The following HDAC9 variants were observed in gnomAD, a reference collection of about 807,000 sequenced individuals.
HDAC9 encodes the protein MEF-2 interacting transcription repressor (MITR) protein.
HDAC9 carries 41 observed loss-of-function variants against 139.4 expected under a neutral mutation model. That is an observed-to-expected ratio of 0.29 (90% CI 0.23 to 0.38). The LOEUF is 0.38. HDAC9 is among the 10% of genes least tolerant of loss of function. HDAC9 has a pLI of 1.00. For missense variants in HDAC9, 1,147 were observed against 1,297.0 expected (o/e 0.88, Z 1.78); for synonymous variants, 517 against 476.2 (o/e 1.09, Z -1.12).
chr7:18,122,890 G>C (rs776142758), intron 1 of HDAC9, among the ~76,000 whole-genome samples: 1 of 152,152 alleles, frequency 6.6e-6, no homozygotes, highest in African/African-American at 2.4e-5. Context: ...AAGTGCTCAG[G>C]CATGAGCCAC....
intron 22 of HDAC9, among the ~76,000 whole-genome samples, chr7:18,935,503 T>C (rs1781568366): frequency 6.6e-6 from 1 of 152,076 alleles, no homozygotes; most frequent in Non-Finnish European, 1.5e-5. Context: ...GAGTATTCAG[T>C]TTTTTTATCC....
At chr7:18,707,752 T>TTTTAAAATGA (rs775987862) in intron 12 of HDAC9, among the ~76,000 whole-genome samples, 13 of 152,202 alleles carry the variant, frequency 8.5e-5, no homozygotes, top group Admixed American at 6.6e-4. Flanking sequence ...CATGTCATAC[T>TTTTAAAATGA]TTTAAAATGA....
chr7:18,732,981 G>A (rs1159609450), intron 13 of HDAC9, among the ~76,000 whole-genome samples: 2 of 144,536 alleles, frequency 1.4e-5, no homozygotes, highest in African/African-American at 5.3e-5. Flanking sequence ...ATACACATGT[G>A]TATGTGTGTG....
intron 21 of HDAC9, among the ~76,000 whole-genome samples, chr7:18,853,454 T>C (rs1013108498): frequency 5.9e-5 from 9 of 152,172 alleles, no homozygotes; most frequent in Non-Finnish European, 1.2e-4. Context: ...TGAGCATCAA[T>C]TGTAAGATAA....
At chr7:18,922,319 C>G (rs1182996873) in intron 22 of HDAC9, among the ~76,000 whole-genome samples, 1 of 151,940 alleles carries the variant, frequency 6.6e-6, no homozygotes, top group Non-Finnish European at 1.5e-5. Flanking sequence ...TATATGTTTT[C>G]TATATAATTA....
intron 12 of HDAC9, among the ~76,000 whole-genome samples, chr7:18,715,242 G>GT (rs34409566): frequency 0.2 from 28,283 of 144,692 alleles, 3,024 homozygotes; most frequent in Middle Eastern, 0.3. Flanking sequence ...AGGGGAAAGT[G>GT]TTTTTTTTTT....
chr7:18,612,400 A>G (rs567362955), intron 6 of HDAC9, among the ~76,000 whole-genome samples: 1 of 152,200 alleles, frequency 6.6e-6, no homozygotes, highest in South Asian at 2.1e-4. Flanking sequence ...TTAAGAATTA[A>G]TATACTTACT....
At chr7:18,420,540 A>C (rs1177944340) in intron 1 of HDAC9, among the ~76,000 whole-genome samples, 1 of 152,126 alleles carries the variant, frequency 6.6e-6, no homozygotes, top group African/African-American at 2.4e-5. Context: ...CATATTTAAA[A>C]CTCATAAAAT....
chr7:18,245,889 C>T (rs970377876), intron 2 of HDAC9, among the ~76,000 whole-genome samples: 1 of 151,860 alleles, frequency 6.6e-6, no homozygotes, highest in African/African-American at 2.4e-5. Flanking sequence ...GTGAATGAAT[C>T]AGGCTTAATG....
intron 1 of HDAC9, among the ~76,000 whole-genome samples, chr7:18,341,336 T>G (rs147614397): frequency 0.015 from 2,228 of 151,808 alleles, 24 homozygotes; most frequent in Non-Finnish European, 0.022. Context: ...CAGTATTTCT[T>G]CAAATTATCT....
At chr7:18,494,714 T>C (rs1236532010), upstream of HDAC9, among the ~76,000 whole-genome samples, 2 of 152,098 alleles carry the variant, frequency 1.3e-5, no homozygotes, top group Non-Finnish European at 2.9e-5. Context: ...ATAAATGCTA[T>C]TTCTACAGAA....
At chr7:18,810,075 G>T (rs931063937) in intron 17 of HDAC9, among the ~76,000 whole-genome samples, 3 of 151,904 alleles carry the variant, frequency 2.0e-5, no homozygotes, top group African/African-American at 7.2e-5. Flanking sequence ...CAACAACGTG[G>T]ATGTTCCTGG....
chr7:18,829,080 G>C lies in HDAC9; in HGVS notation c.2323-81G>C. 5.2e-6 allele frequency: 5 copies of C among 954,088 alleles called. No homozygotes were observed. In the South Asian group the frequency reaches 6.4e-5, roughly 12 times the overall value. The allele number at this position is 954,088 out of a possible 1,614,324, so 59.1% of individuals were successfully genotyped here. ...TTTGTGTGTGTGTGCCTGAGGCACT[G>C]TTGTGCCTGGAGATCCAAGCAATCC... is the stretch of plus-strand genomic sequence containing the variant. On this transcript the variant is annotated intron_variant, in intron 17 of 25. Coordinates refer to ENST00000686413, the MANE Select transcript of HDAC9 (RefSeq NM_178425.4).
chr7:18,621,984 G>T (rs1170566423), intron 6 of HDAC9, among the ~76,000 whole-genome samples: 1 of 152,190 alleles, frequency 6.6e-6, no homozygotes, highest in East Asian at 1.9e-4. Context: ...ATTTGGGCAG[G>T]AACTGTGCCA....
chr7:18,209,124 T>C (rs1791755140), intron 2 of HDAC9, among the ~76,000 whole-genome samples: 1 of 152,228 alleles, frequency 6.6e-6, no homozygotes. Flanking sequence ...ACTGTAGGCA[T>C]AGACATTTTA....
intron 24 of HDAC9, among the ~76,000 whole-genome samples, chr7:18,957,927 T>G (rs1783271258): frequency 6.6e-6 from 1 of 152,160 alleles, no homozygotes. Flanking sequence ...TTGTAGCATG[T>G]GGGAAACATT....
At position 18,585,324 on chromosome 7, in the gene HDAC9, A is replaced by G. The variant is rs373490019; in HGVS notation, c.66A>G (p.Ser22=). ...TTCCTGTGGGCCTGGAGCCCATCTCACCTTTAGACCTAAGGACAGACCTCA... is the reference window on the plus strand; with the variant it reads ...TTCCTGTGGGCCTGGAGCCCATCTCGCCTTTAGACCTAAGGACAGACCTCA... The part of the protein sequence containing the change: ...SEVPVGLEPI[S]PLDLRTDLRM... Residue 22 remains serine (S), a synonymous_variant, in exon 3 of 26, where the codon TCA becomes TCG. Transcript: ENST00000686413. The G allele has an allele frequency of 1.6e-5, 25 of 1,609,870 alleles. No individual in the cohort carries two copies. In the African/African-American group the frequency reaches 3.1e-4, roughly 20 times the overall value.
At chr7:18,240,815 G>C (rs999714862) in intron 2 of HDAC9, among the ~76,000 whole-genome samples, 4 of 152,168 alleles carry the variant, frequency 2.6e-5, no homozygotes, top group African/African-American at 9.7e-5. Context: ...CCTTCTTGCT[G>C]GTTCTTGCAT....
At chr7:18,290,687 A>G (rs968600345) in intron 1 of HDAC9, among the ~76,000 whole-genome samples, 1 of 152,206 alleles carries the variant, frequency 6.6e-6, no homozygotes, top group African/African-American at 2.4e-5. Flanking sequence ...AGCAACAACA[A>G]CAACAAAAAT....
Sources: gnomAD v4.1 joint callset for allele counts (sites outside exome capture counted in the v4.1 genomes callset) on GRCh38, gnomAD v4.1.1 for gene constraint, MANE v1.5 for transcripts, NCBI Gene and HGNC (gene_info 2026-07-23, HGNC 2026-07-21) for gene names.